The following BRINP3 variants were observed in gnomAD, a reference collection of about 807,000 sequenced individuals.
BRINP3 encodes the protein BMP/retinoic acid inducible neural specific 3, also known as BMP/retinoic acid-inducible neural-specific protein 3.
Under a neutral mutation model 71.0 loss-of-function variants are expected in BRINP3, and 19 were observed. The ratio of observed to expected loss-of-function variants is 0.27; its 90% CI spans 0.19 to 0.39. The LOEUF is 0.39. Ranked by LOEUF, BRINP3 falls within the 10% of genes least tolerant of loss-of-function variation. The probability of loss-of-function intolerance (pLI) is 1.00; values close to 1 mark genes in which losing one functional copy is unlikely to be tolerated. For missense variants in BRINP3, 959 were observed against 940.8 expected, an observed-to-expected ratio of 1.02 and a Z score of -0.25; for synonymous variants, 380 against 337.7, an observed-to-expected ratio of 1.13 and a Z score of -1.37.
intron 7 of BRINP3, among the ~76,000 whole-genome samples, chr1:190,155,778 G>T (rs1429958547): frequency 4.0e-5 from 6 of 151,826 alleles, no homozygotes; most frequent in Non-Finnish European, 8.8e-5. Flanking sequence ...TTCCCCCCTA[G>T]CTTCCTTTCT....
At chr1:190,163,930 A>T (rs993719841) in intron 6 of BRINP3, among the ~76,000 whole-genome samples, 4 of 152,140 alleles carry the variant, frequency 2.6e-5, no homozygotes, top group Admixed American at 2.0e-4. Context: ...GAGCAATTTT[A>T]TATGCAAAAC....
rs538877428 is a variant in BRINP3 at position 190,130,038 on chromosome 1, T to C, written c.1184+30630A>G. 5.6e-4 allele frequency among the ~76,000 whole-genome samples: 85 copies of C among 151,974 alleles called. 1 individual carries two copies. The highest frequency in any genetic ancestry group is 1.1e-3 in the Non-Finnish European group (74 of 67,948). On this transcript the variant is annotated intron_variant, in intron 7 of 7. Coordinates refer to ENST00000367462, the MANE Select transcript of BRINP3 (RefSeq NM_199051.3). ...GACAAAATAATTTAGTAGAACCTTATATATTCAGGAAAAAATTCTAGCATC... is the reference window on the plus strand; with the variant it reads ...GACAAAATAATTTAGTAGAACCTTACATATTCAGGAAAAAATTCTAGCATC...
intron 3 of BRINP3, among the ~76,000 whole-genome samples, chr1:190,271,779 AT>A (rs1466555189): frequency 2.0e-5 from 3 of 151,526 alleles, no homozygotes; most frequent in Non-Finnish European, 4.4e-5. Flanking sequence ...TGCATCATTA[AT>A]TTCTTCTTAA....
intron 2 of BRINP3, among the ~76,000 whole-genome samples, chr1:190,444,660 G>C (rs143315811): frequency 6.6e-6 from 1 of 152,040 alleles, no homozygotes; most frequent in Non-Finnish European, 1.5e-5. Flanking sequence ...TCAGCCTCCT[G>C]AGTACCTGGG....
At chr1:190,142,294 T>A (rs1365136078) in intron 7 of BRINP3, among the ~76,000 whole-genome samples, 2 of 152,170 alleles carry the variant, frequency 1.3e-5, no homozygotes, top group Non-Finnish European at 2.9e-5. Context: ...ACATTTTACA[T>A]AACCTGATAT....
At position 190,370,119 on chromosome 1, in the gene BRINP3, G is replaced by A. The variant is rs116175314; in HGVS notation, c.236+84536C>T. 3.1e-3 allele frequency among the ~76,000 whole-genome samples: 479 copies of A among 152,196 alleles called. 1 individual carries two copies. The highest frequency in any genetic ancestry group is 0.011 in the African/African-American group (460 of 41,550). The stretch of plus-strand genomic sequence containing the variant: ...GATACTGCAAGAATGATTCTAAATA[G>A]TTTTCATCCCCGTAACATTTTCACA... On this transcript the variant is annotated intron_variant, in intron 2 of 7. Coordinates refer to ENST00000367462, the MANE Select transcript of BRINP3 (RefSeq NM_199051.3).
intron 2 of BRINP3, among the ~76,000 whole-genome samples, chr1:190,317,170 TCAAAA>T (rs1280438694): frequency 1.8e-4 from 17 of 96,310 alleles, no homozygotes; most frequent in African/African-American, 1.5e-4. Flanking sequence ...AGAGTCCATC[TCAAAA>T]AAAAAAAAAA....
In BRINP3 at chr1:190,365,649, T is replaced by C. The variant is rs1401187600; in HGVS notation, c.237-83899A>G. On this transcript the variant is annotated intron_variant, in intron 2 of 7. Coordinates refer to ENST00000367462, the MANE Select transcript of BRINP3 (RefSeq NM_199051.3). ...ATTTTATAATTGTAATATAATGATATAGTAAAAATATATTATAATTAATAT... is the reference window on the plus strand; with the variant it reads ...ATTTTATAATTGTAATATAATGATACAGTAAAAATATATTATAATTAATAT... Among the ~76,000 whole-genome samples the C allele has an allele frequency of 2.8e-5, 4 of 140,672 alleles. No homozygotes were observed. In the East Asian group the frequency reaches 8.2e-4, roughly 29 times the overall value. The allele number at this position is 140,672 out of a possible 152,430, so 92.3% of individuals were successfully genotyped here.
At chr1:190,209,411 T>C (rs1367579419) in intron 6 of BRINP3, among the ~76,000 whole-genome samples, 1 of 152,114 alleles carries the variant, frequency 6.6e-6, no homozygotes, top group Non-Finnish European at 1.5e-5. Context: ...ACACCAAGCA[T>C]ATCATGCCTG....
chr1:190,313,858 T>C (rs1040784999), intron 2 of BRINP3, among the ~76,000 whole-genome samples: 1 of 152,192 alleles, frequency 6.6e-6, no homozygotes, highest in South Asian at 2.1e-4. Flanking sequence ...CCTCCTCTTA[T>C]GTGGATAATT....
intron 6 of BRINP3, among the ~76,000 whole-genome samples, chr1:190,185,946 G>C (rs891746305): frequency 6.6e-6 from 1 of 152,022 alleles, no homozygotes; most frequent in African/African-American, 2.4e-5. Context: ...AAGGAAAGAG[G>C]TTTGTTTGAG....
intron 7 of BRINP3, among the ~76,000 whole-genome samples, chr1:190,154,471 AC>A (rs1440373858): frequency 1.3e-5 from 2 of 152,174 alleles, no homozygotes; most frequent in African/African-American, 4.8e-5. Flanking sequence ...AATAAATAAG[AC>A]ATTTTTCTTT....
chr1:190,171,029 A>G (rs1661542045), intron 6 of BRINP3, among the ~76,000 whole-genome samples: 1 of 152,136 alleles, frequency 6.6e-6, no homozygotes, highest in Non-Finnish European at 1.5e-5. Context: ...TGAACACACA[A>G]GCAATATTTG....
chr1:190,324,890 A>ATCATTATGAT (rs1242133376), intron 2 of BRINP3, among the ~76,000 whole-genome samples: 1 of 151,958 alleles, frequency 6.6e-6, no homozygotes, highest in African/African-American at 2.4e-5. Context: ...ATACCTTGTA[A>ATCATTATGAT]TCATTATGAT....
intron 3 of BRINP3, among the ~76,000 whole-genome samples, chr1:190,276,233 G>A (rs900775680): frequency 1.1e-3 from 162 of 151,570 alleles, no homozygotes; most frequent in African/African-American, 3.0e-3. Flanking sequence ...TTATGTGTGT[G>A]TATTTGGTGG....
chr1:190,360,150 A>G (rs1669041140), intron 2 of BRINP3, among the ~76,000 whole-genome samples: 1 of 152,134 alleles, frequency 6.6e-6, no homozygotes, highest in Non-Finnish European at 1.5e-5. Context: ...AAGCCAGTAA[A>G]CATCTTCAAC....
intron 2 of BRINP3, among the ~76,000 whole-genome samples, chr1:190,321,063 T>C (rs1354432054): frequency 2.6e-5 from 4 of 152,024 alleles, no homozygotes; most frequent in African/African-American, 7.2e-5. Context: ...GAGACAGATG[T>C]TAAGAAAAAT....
chr1:190,114,526 C>CTGTGTGTGTGTGTG (rs34766118), intron 7 of BRINP3, among the ~76,000 whole-genome samples: 28 of 143,052 alleles, frequency 2.0e-4, no homozygotes, highest in African/African-American at 6.6e-4. Flanking sequence ...AAGTTTGCCA[C>CTGTGTGTGTGTGTG]TGTGTGTGTG....
intron 4 of BRINP3, among the ~76,000 whole-genome samples, chr1:190,246,872 T>G (rs1659661345): frequency 6.6e-6 from 1 of 151,940 alleles, no homozygotes; most frequent in South Asian, 2.1e-4. Flanking sequence ...AGAAACCAGA[T>G]AAGCAACCTA....
Sources: gnomAD v4.1 joint callset for allele counts (sites outside exome capture counted in the v4.1 genomes callset) on GRCh38, gnomAD v4.1.1 for gene constraint, MANE v1.5 for transcripts, NCBI Gene and HGNC (gene_info 2026-07-23, HGNC 2026-07-21) for gene names.